POU6F2: variants seen among roughly 807,000 people sequenced by gnomAD.
The protein encoded by POU6F2 is POU domain, class 6, transcription factor 2.
A neutral mutation model predicts 71.3 loss-of-function variants in POU6F2; 31 were observed. That is an observed-to-expected ratio of 0.43 (90% CI 0.33 to 0.59). The LOEUF is 0.59. Ranked by LOEUF, POU6F2 falls within the 20% of genes least tolerant of loss-of-function variation. The probability of loss-of-function intolerance (pLI) is 0.04; values close to 1 mark genes in which losing one functional copy is unlikely to be tolerated. For missense variants in POU6F2, 783 were observed against 856.8 expected (o/e 0.91, Z 1.07); for synonymous variants, 347 against 355.7 (o/e 0.98, Z 0.27).
Position 39,460,432 on chromosome 7 carries a change from G to T in POU6F2, c.1490-115G>T. ...GACAAAGCGAACATTCTCTGAGGTT[G>T]GTTTCCTCACTGCTCTGCTGTTAAA... On this transcript the variant is annotated intron_variant, in intron 8 of 9. Coordinates refer to ENST00000518318, the MANE Select transcript of POU6F2 (RefSeq NM_001370959.1). The surrounding 1 kb of genome is among the most constrained non-coding windows in gnomAD (Gnocchi z 4.4). The T allele has an allele frequency of 8.8e-7, 1 of 1,138,114 alleles. No individual in the cohort carries two copies. Among genetic ancestry groups the T allele is most frequent in the Non-Finnish European group, 1.3e-6 (1 of 796,262 alleles). The allele number at this position is 1,138,114 out of a possible 1,614,324, so 70.5% of individuals were successfully genotyped here.
At chr7:39,295,235 T>C (rs2128763184) in intron 4 of POU6F2, among the ~76,000 whole-genome samples, 1 of 152,014 alleles carries the variant, frequency 6.6e-6, no homozygotes, top group East Asian at 1.9e-4. Context: ...GGGGTATGCG[T>C]GATTGAGTTC....
chr7:39,386,092 T>A (rs1419961048), intron 5 of POU6F2, among the ~76,000 whole-genome samples: 1 of 136,578 alleles, frequency 7.3e-6, no homozygotes, highest in Admixed American at 8.2e-5. Context: ...CACTCCAGCC[T>A]GGGCAACAGA....
At chr7:39,208,511 G>A (rs1027588746) in intron 4 of POU6F2, among the ~76,000 whole-genome samples, 11 of 152,140 alleles carry the variant, frequency 7.2e-5, no homozygotes, top group Non-Finnish European at 1.5e-4. Context: ...TTTTTTAGCT[G>A]GTCAAATGTT....
chr7:39,413,216 C>T (rs1416634350), intron 6 of POU6F2, among the ~76,000 whole-genome samples: 1 of 151,890 alleles, frequency 6.6e-6, no homozygotes, highest in Non-Finnish European at 1.5e-5. Flanking sequence ...AGAAACAAAA[C>T]ATGACAGACA....
chr7:39,340,248 T>G (rs1487306887), intron 5 of POU6F2, among the ~76,000 whole-genome samples: 1 of 152,212 alleles, frequency 6.6e-6, no homozygotes, highest in Non-Finnish European at 1.5e-5. Context: ...AGGATAAATG[T>G]TATCTGTTTC....
At chr7:39,107,108 G>A (rs1791707791) in intron 2 of POU6F2, among the ~76,000 whole-genome samples, 1 of 143,226 alleles carries the variant, frequency 7.0e-6, no homozygotes, top group South Asian at 2.2e-4. Context: ...GTAGTGTTGT[G>A]ATCACAGCTC....
At chr7:39,152,431 C>G (rs1000612889) in intron 2 of POU6F2, among the ~76,000 whole-genome samples, 3 of 152,150 alleles carry the variant, frequency 2.0e-5, no homozygotes, top group Admixed American at 1.3e-4. Flanking sequence ...TATTAAAGTT[C>G]TCTACCCGAT....
intron 2 of POU6F2, among the ~76,000 whole-genome samples, chr7:39,146,324 A>C (rs1792625888): frequency 6.6e-6 from 1 of 152,178 alleles, no homozygotes; most frequent in Non-Finnish European, 1.5e-5. Flanking sequence ...TTGAGGAAGC[A>C]AAGGGTGCCT....
At chr7:39,042,939 CT>C (rs1790219172) in intron 1 of POU6F2, among the ~76,000 whole-genome samples, 1 of 151,878 alleles carries the variant, frequency 6.6e-6, no homozygotes. Context: ...GAGGCCTTGC[CT>C]TTGGAAGATT....
intron 1 of POU6F2, among the ~76,000 whole-genome samples, chr7:39,030,543 T>TATATATATATATGTATGTATAC (rs1491146903): frequency 1.1e-5 from 1 of 88,018 alleles, no homozygotes; most frequent in Non-Finnish European, 2.3e-5. Flanking sequence ...TATATATATA[T>TATATATATATATGTATGTATAC]ACACACACAT....
chr7:39,092,951 G>C (rs1454174684), intron 2 of POU6F2, among the ~76,000 whole-genome samples: 1 of 151,940 alleles, frequency 6.6e-6, no homozygotes, highest in African/African-American at 2.4e-5. Context: ...ACCTAACCAA[G>C]ATGCATACCC....
At chr7:39,149,412 A>G (rs1336513552) in intron 2 of POU6F2, among the ~76,000 whole-genome samples, 1 of 152,194 alleles carries the variant, frequency 6.6e-6, no homozygotes, top group Non-Finnish European at 1.5e-5. Context: ...TTTATTGTGT[A>G]TAATCGAAGT....
At chr7:39,348,116 A>G (rs1285793380) in intron 5 of POU6F2, among the ~76,000 whole-genome samples, 1 of 144,424 alleles carries the variant, frequency 6.9e-6, no homozygotes, top group African/African-American at 2.5e-5. Flanking sequence ...TATGAACTAT[A>G]CATAATAAAC....
At chr7:39,041,536 A>G (rs941668657) in intron 1 of POU6F2, among the ~76,000 whole-genome samples, 1 of 151,952 alleles carries the variant, frequency 6.6e-6, no homozygotes, top group African/African-American at 2.4e-5. Flanking sequence ...AATGATAAGT[A>G]TACTTTAATT....
At chr7:39,308,557 T>C (rs1785093231) in intron 4 of POU6F2, among the ~76,000 whole-genome samples, 1 of 152,114 alleles carries the variant, frequency 6.6e-6, no homozygotes, top group African/African-American at 2.4e-5. Flanking sequence ...TGAGCTCATG[T>C]CTCTAGGTAA....
intron 2 of POU6F2, among the ~76,000 whole-genome samples, chr7:39,099,474 C>G (rs1270397744): frequency 1.3e-5 from 2 of 152,188 alleles, no homozygotes; most frequent in Non-Finnish European, 2.9e-5. Context: ...GAGCATTTGT[C>G]TCTAGTTAAA....
chr7:39,462,962 C>G (rs2282915), intron 9 of POU6F2, among the ~76,000 whole-genome samples: 138,369 of 152,264 alleles, frequency 0.91, 62,927 homozygotes, highest in Admixed American at 0.94. Flanking sequence ...TGCAAGCATC[C>G]TTACAAAACA....
chr7:39,007,713 T>C (rs1216647359), intron 1 of POU6F2, among the ~76,000 whole-genome samples: 1 of 151,926 alleles, frequency 6.6e-6, no homozygotes, highest in East Asian at 1.9e-4. Flanking sequence ...AGTGTGATAT[T>C]CCCCTTCCTG....
intron 1 of POU6F2, among the ~76,000 whole-genome samples, chr7:38,988,655 G>A (rs1467745121): frequency 6.6e-6 from 1 of 152,056 alleles, no homozygotes. Flanking sequence ...GCACTTTGCT[G>A]GTATAATTTA....
Sources: gnomAD v4.1 joint callset for allele counts (sites outside exome capture counted in the v4.1 genomes callset) on GRCh38, gnomAD v4.1.1 for gene constraint, Gnocchi (gnomAD v3.1) non-coding constraint, MANE v1.5 for transcripts, NCBI Gene and HGNC (gene_info 2026-07-23, HGNC 2026-07-21) for gene names.